Variants in PHACTR2 observed in about 807,000 individuals in gnomAD.
PHACTR2 encodes the protein phosphatase and actin regulator 2.
PHACTR2 carries 30 observed loss-of-function variants against 76.0 expected under a neutral mutation model. That is an observed-to-expected ratio of 0.39 (90% CI 0.30 to 0.54). PHACTR2 has a LOEUF of 0.54. Ranked by LOEUF, PHACTR2 falls within the 20% of genes least tolerant of loss-of-function variation. PHACTR2 has a pLI of 0.61. For missense variants in PHACTR2, 696 were observed against 781.1 expected, an observed-to-expected ratio of 0.89 and a Z score of 1.30; for synonymous variants, 292 against 292.5, an observed-to-expected ratio of 1.00 and a Z score of 0.02.
rs571141354 is a variant in PHACTR2, at chr6:143,558,938, C to G, written c.217+21731C>G. ...CTTAGGCCTCTCCCATCCCCACTCC[C>G]TGGGAGAAGGGGAGATCTGTTACAA... On this transcript the variant is annotated intron_variant, in intron 1 of 11. Transcript: ENST00000367584. The surrounding 1 kb of genome is among the most constrained non-coding windows in gnomAD (Gnocchi z 4.7). Among the ~76,000 whole-genome samples the G allele has an allele frequency of 6.6e-6, 1 of 152,280 alleles. No homozygotes were observed. Among genetic ancestry groups the G allele is most frequent in the African/African-American group, 2.4e-5 (1 of 41,566 alleles).
intron 1 of PHACTR2, among the ~76,000 whole-genome samples, chr6:143,692,740 A>G: frequency 6.6e-6 from 1 of 152,220 alleles, no homozygotes; most frequent in East Asian, 1.9e-4. Flanking sequence ...GCTGAGGTGG[A>G]GGTGAGGTTG....
In PHACTR2 at chr6:143,754,976, G is replaced by A. The variant is rs1779267766; in HGVS notation, c.454+1064G>A. On this transcript the variant is annotated intron_variant, in intron 4 of 12. Coordinates refer to ENST00000440869, the MANE Select transcript of PHACTR2 (RefSeq NM_001100164.2). The surrounding 1 kb of genome is among the most constrained non-coding windows in gnomAD (Gnocchi z 6.2). ...TGATGGCCCTATTAAACACACCATT[G>A]TAACTTAAAATCATCCTCTGTGGAA... is the stretch of plus-strand genomic sequence containing the variant. Among the ~76,000 whole-genome samples, 4 of 152,136 alleles carry A rather than the reference G, an allele frequency of 2.6e-5. No individual in the cohort carries two copies. Among genetic ancestry groups the A allele is most frequent in the Admixed American group, 2.0e-4 (3 of 15,280 alleles).
At position 143,809,893 on chromosome 6, in the gene PHACTR2, T is replaced by G. The variant is rs527298264; in HGVS notation, c.1922+2760T>G. Among the ~76,000 whole-genome samples, 1 of 152,130 alleles carries G rather than the reference T, an allele frequency of 6.6e-6. No homozygotes were observed. Among genetic ancestry groups the G allele is most frequent in the East Asian group, 1.9e-4 (1 of 5,174 alleles). On this transcript the variant is annotated intron_variant, in intron 12 of 12. Transcript: ENST00000440869. This position sits in a 1 kb window ranked among gnomAD's most constrained non-coding sequence, Gnocchi z 4.2. ...TGGGGAGGCCGAGGTGGGCAGATCT[T>G]TTGAGCTCAGGAGTTCGAGACCAGC...
In PHACTR2 at chr6:143,585,303, T is replaced by G. The variant is rs1775617939; in HGVS notation, c.217+48096T>G. 6.6e-6 allele frequency among the ~76,000 whole-genome samples: 1 copy of G among 152,196 alleles called. No homozygotes were observed. On this transcript the variant is annotated intron_variant, in intron 1 of 11. Transcript: ENST00000367584. This position sits in a 1 kb window ranked among gnomAD's most constrained non-coding sequence, Gnocchi z 5.2. ...AGAAGTCACTGTCAGGAAGCAGGTC[T>G]GTCCATTGGAGCAAGATTCCAGCTA...
intron 12 of PHACTR2, among the ~76,000 whole-genome samples, chr6:143,813,432 A>G (rs534328005): frequency 6.6e-6 from 1 of 152,212 alleles, no homozygotes; most frequent in East Asian, 1.9e-4. Flanking sequence ...ATCCTGGCTA[A>G]CACGGTGAAA....
Position 143,757,959 on chromosome 6 carries a change from G to GACACACA in PHACTR2, c.455-2442_455-2441insACACACA, listed in dbSNP as rs1779340260. ...CCTGCGTGTGTGTGCATGCACACGT[G>GACACACA]CGCGCACACACACACACACACACAC... is the stretch of plus-strand genomic sequence containing the variant. On this transcript the variant is annotated intron_variant, in intron 4 of 12. Coordinates refer to ENST00000440869, the MANE Select transcript of PHACTR2 (RefSeq NM_001100164.2). This position sits in a 1 kb window ranked among gnomAD's most constrained non-coding sequence, Gnocchi z 4.2. Among the ~76,000 whole-genome samples the GACACACA allele has an allele frequency of 6.9e-6, 1 of 145,600 alleles. No homozygotes were observed. Among genetic ancestry groups the GACACACA allele is most frequent in the Admixed American group, 6.7e-5 (1 of 14,826 alleles).
At chr6:143,756,925 T>C (rs1779314787) in intron 4 of PHACTR2, among the ~76,000 whole-genome samples, 1 of 151,988 alleles carries the variant, frequency 6.6e-6, no homozygotes. Context: ...TGGGCACCTG[T>C]AATCCCAGCT....
At chr6:143,626,353 C>T (rs187958185) in intron 1 of PHACTR2, among the ~76,000 whole-genome samples, 48 of 152,086 alleles carry the variant, frequency 3.2e-4, no homozygotes, top group Non-Finnish European at 5.7e-4. Context: ...CTGGCTAACA[C>T]GGTGAAACCC....
chr6:143,769,733 ACTCATCT>A (rs1232859579), intron 6 of PHACTR2, among the ~76,000 whole-genome samples: 1 of 152,090 alleles, frequency 6.6e-6, no homozygotes, highest in Non-Finnish European at 1.5e-5. Flanking sequence ...CAAATAAAGG[ACTCATCT>A]CTCAAATTTG....
intron 1 of PHACTR2, among the ~76,000 whole-genome samples, chr6:143,640,947 G>A (rs1427744374): frequency 6.6e-6 from 1 of 152,194 alleles, no homozygotes; most frequent in Non-Finnish European, 1.5e-5. Context: ...CAGAAGAGAA[G>A]GCATGTGTCT....
rs754066761 is a variant in PHACTR2 at position 143,753,822 on chromosome 6, C to T, written c.364C>T (p.Arg122Ter). The T allele has an allele frequency of 6.8e-6, 11 of 1,612,324 alleles. No homozygotes were observed. The highest frequency in any genetic ancestry group is 9.3e-6 in the Non-Finnish European group (11 of 1,178,794). ...HMIPIGEEST[R>*]EENVVKSEEG... ...GATACCCATCGGAGAGGAATCTACC[C>T]GAGAGGAAAATGTAGTAAAGTCTGA... The change falls in exon 4 of 13, where the codon CGA becomes TGA. Residue 122 changes from arginine to a stop codon, truncating the protein, a stop_gained. Coordinates refer to ENST00000440869, the MANE Select transcript of PHACTR2 (RefSeq NM_001100164.2). LOFTEE classifies it high-confidence loss of function. This position sits in a 1 kb window ranked among gnomAD's most constrained non-coding sequence, Gnocchi z 4.6.
At position 143,816,412 on chromosome 6, in the gene PHACTR2, T is replaced by C. The variant is rs1440773098; in HGVS notation, c.1923-7262T>C. 6.6e-6 allele frequency among the ~76,000 whole-genome samples: 1 copy of C among 152,174 alleles called. No individual in the cohort carries two copies. Among genetic ancestry groups the C allele is most frequent in the Non-Finnish European group, 1.5e-5 (1 of 68,050 alleles). On this transcript the variant is annotated intron_variant, in intron 12 of 12. Coordinates refer to ENST00000440869, the MANE Select transcript of PHACTR2 (RefSeq NM_001100164.2). This position sits in a 1 kb window ranked among gnomAD's most constrained non-coding sequence, Gnocchi z 4.5. ...CTGAGTAATTTAAACAGGATAAAAG[T>C]GTCATTTTCAGATTGGATAGAGCAG...
intron 2 of PHACTR2, among the ~76,000 whole-genome samples, chr6:143,714,651 G>A (rs1207884327): frequency 2.6e-5 from 4 of 152,158 alleles, no homozygotes; most frequent in African/African-American, 9.7e-5. Flanking sequence ...GATTTAGGCT[G>A]TTCAGTGTCT....
At chr6:143,732,138 G>A (rs1055622860) in intron 2 of PHACTR2, among the ~76,000 whole-genome samples, 12 of 152,120 alleles carry the variant, frequency 7.9e-5, no homozygotes, top group African/African-American at 2.9e-4. Flanking sequence ...TGGCCTTGTT[G>A]ACATATAATT....
rs774772749 is a variant in PHACTR2 at position 143,772,463 on chromosome 6, A to AC, written c.1432+7dup. 9.9e-6 allele frequency: 16 copies of AC among 1,610,108 alleles called. No individual in the cohort carries two copies. The South Asian group carries it at 1.7e-4, about 17-fold the overall frequency. ...TGAGGATGGCAGTGGAGAAAGTAAG[A>AC]CTGTTTTCAAGAGGCAGGGAGGAGC... On this transcript the variant is annotated splice_region_variant and intron_variant, in intron 7 of 12. Transcript: ENST00000440869. The surrounding 1 kb of genome is among the most constrained non-coding windows in gnomAD (Gnocchi z 5.4).
At chr6:143,566,440 C>T (rs373348855) in intron 1 of PHACTR2, among the ~76,000 whole-genome samples, 1 of 151,952 alleles carries the variant, frequency 6.6e-6, no homozygotes, top group African/African-American at 2.4e-5. Flanking sequence ...ACTACAGGCA[C>T]ATGCCACCAT....
chr6:143,661,873 G>A (rs926364330), intron 1 of PHACTR2, among the ~76,000 whole-genome samples: 1 of 152,020 alleles, frequency 6.6e-6, no homozygotes, highest in Non-Finnish European at 1.5e-5. Context: ...TTTCCCTTGT[G>A]CATTCTCAAA....
chr6:143,766,132 T>C (rs1273703543), intron 6 of PHACTR2, among the ~76,000 whole-genome samples: 1 of 152,262 alleles, frequency 6.6e-6, no homozygotes, highest in Non-Finnish European at 1.5e-5. Context: ...ACCATTGTGC[T>C]TACCTACTCA....
intron 1 of PHACTR2, among the ~76,000 whole-genome samples, chr6:143,574,007 G>A (rs946770206): frequency 1.4e-4 from 22 of 152,206 alleles, no homozygotes; most frequent in African/African-American, 5.1e-4. Flanking sequence ...CAGCTCAGCT[G>A]GGTTCTCTGC....
Sources: allele counts gnomAD v4.1 joint callset (sites outside exome capture counted in the v4.1 genomes callset), GRCh38; gene constraint gnomAD v4.1.1; non-coding constraint Gnocchi (gnomAD v3.1); transcripts MANE v1.5; gene names NCBI Gene and HGNC (gene_info 2026-07-23, HGNC 2026-07-21).